The following GRID2 variants were observed in gnomAD, a reference collection of about 807,000 sequenced individuals.
GRID2 encodes the protein glutamate receptor ionotropic, delta-2.
A neutral mutation model predicts 114.8 loss-of-function variants in GRID2; 33 were observed. The observed-to-expected ratio is 0.29, with a 90% CI of 0.22 to 0.38. The LOEUF is 0.38. Among genes scored for constraint, GRID2 ranks in the 10% least tolerant of loss-of-function variants. The probability of loss-of-function intolerance (pLI) is 1.00; values close to 1 mark genes in which losing one functional copy is unlikely to be tolerated. For missense variants in GRID2, 1,184 were observed against 1,257.7 expected (o/e 0.94, Z 0.89); for synonymous variants, 505 against 449.9 (o/e 1.12, Z -1.55).
intron 8 of GRID2, among the ~76,000 whole-genome samples, chr4:93,255,851 A>G (rs995593626): frequency 7.2e-5 from 11 of 152,236 alleles, no homozygotes; most frequent in African/African-American, 1.4e-4. Flanking sequence ...ACCCAGTCTC[A>G]GGTATCCTAT....
chr4:93,128,778 T>C (rs1734533507), intron 4 of GRID2, among the ~76,000 whole-genome samples: 1 of 152,190 alleles, frequency 6.6e-6, no homozygotes, highest in South Asian at 2.1e-4. Context: ...CAAACTCCCA[T>C]GGTGATCCTG....
At chr4:93,607,965 TC>T (rs1740436177) in intron 13 of GRID2, among the ~76,000 whole-genome samples, 1 of 151,778 alleles carries the variant, frequency 6.6e-6, no homozygotes, top group East Asian at 1.9e-4. Context: ...GTCAGTCTTT[TC>T]TTGGCTTTGT....
intron 2 of GRID2, among the ~76,000 whole-genome samples, chr4:92,651,736 C>T (rs888495405): frequency 6.6e-6 from 1 of 152,050 alleles, no homozygotes; most frequent in Non-Finnish European, 1.5e-5. Flanking sequence ...TTTCTCCTTC[C>T]AAGCAAATTC....
Position 93,739,271 on chromosome 4 carries a change from T to C in GRID2, c.2361-29939T>C, listed in dbSNP as rs567504541. ...CACACTAGTATGTTTAAACTGTGTT[T>C]ATAGTCTTCTAGAAGCTGTATAAAC... On this transcript the variant is annotated intron_variant, in intron 14 of 15. Coordinates refer to ENST00000282020, the MANE Select transcript of GRID2 (RefSeq NM_001510.4). 2.2e-3 allele frequency among the ~76,000 whole-genome samples: 341 copies of C among 152,312 alleles called. 3 individuals carry two copies. In the South Asian group the frequency reaches 0.035, roughly 16 times the overall value.
At chr4:92,626,010 G>A (rs1405762591) in intron 2 of GRID2, among the ~76,000 whole-genome samples, 1 of 151,916 alleles carries the variant, frequency 6.6e-6, no homozygotes, top group Non-Finnish European at 1.5e-5. Flanking sequence ...CATCAGGGAA[G>A]TCTAGATATC....
intron 1 of GRID2, among the ~76,000 whole-genome samples, chr4:92,515,703 C>T (rs77603055): frequency 0.013 from 1,971 of 151,952 alleles, 21 homozygotes; most frequent in Non-Finnish European, 0.02. Context: ...CTGCTACAAT[C>T]TTGTTATTTA....
At chr4:92,607,006 C>T (rs902289770) in intron 2 of GRID2, among the ~76,000 whole-genome samples, 1 of 151,954 alleles carries the variant, frequency 6.6e-6, no homozygotes, top group Non-Finnish European at 1.5e-5. Flanking sequence ...GTGGCAGCAC[C>T]CCTTCCAAAA....
intron 14 of GRID2, among the ~76,000 whole-genome samples, chr4:93,632,901 A>G (rs987050068): frequency 4.6e-5 from 7 of 152,016 alleles, no homozygotes; most frequent in Admixed American, 6.6e-5. Context: ...GTTGAGCAGT[A>G]GTTTGTAGTT....
chr4:93,387,720 C>T (rs547636079), intron 8 of GRID2, among the ~76,000 whole-genome samples: 10 of 151,620 alleles, frequency 6.6e-5, no homozygotes, highest in Non-Finnish European at 1.0e-4. Flanking sequence ...ATCCCAACTA[C>T]TCGGCAGGCT....
At chr4:93,335,677 C>CTT (rs1758986873) in intron 8 of GRID2, among the ~76,000 whole-genome samples, 1 of 124,560 alleles carries the variant, frequency 8.0e-6, no homozygotes, top group Non-Finnish European at 1.6e-5. Context: ...TTTTCTCTCT[C>CTT]TCTTTCTTTC....
At chr4:93,717,350 T>C (rs1208040444) in intron 14 of GRID2, among the ~76,000 whole-genome samples, 1 of 152,072 alleles carries the variant, frequency 6.6e-6, no homozygotes, top group African/African-American at 2.4e-5. Flanking sequence ...ATCTTTTGGG[T>C]TAATGGAAGT....
chr4:92,702,182 C>T (rs13148541), intron 2 of GRID2, among the ~76,000 whole-genome samples: 2 of 152,080 alleles, frequency 1.3e-5, no homozygotes, highest in Non-Finnish European at 2.9e-5. Context: ...AGAAACAGGG[C>T]CCACTTCATA....
intron 2 of GRID2, among the ~76,000 whole-genome samples, chr4:92,833,450 A>C (rs1578262613): frequency 6.6e-6 from 1 of 152,184 alleles, no homozygotes; most frequent in Non-Finnish European, 1.5e-5. Flanking sequence ...CAATTCAGCA[A>C]ATTACTTCAT....
At position 93,661,877 on chromosome 4, in the gene GRID2, C is replaced by T. The variant is rs148200044; in HGVS notation, c.2360+35442C>T. 5.9e-4 allele frequency among the ~76,000 whole-genome samples: 90 copies of T among 152,238 alleles called. 1 individual carries two copies. In the East Asian group the frequency reaches 0.013, roughly 23 times the overall value. ...ATAAACCGTAAGTGAGATCATGGCT[C>T]GGTTCTCCTCAGAGCTCTTCTGTGA... is the stretch of plus-strand genomic sequence containing the variant. On this transcript the variant is annotated intron_variant, in intron 14 of 15. Coordinates refer to ENST00000282020, the MANE Select transcript of GRID2 (RefSeq NM_001510.4).
intron 2 of GRID2, among the ~76,000 whole-genome samples, chr4:92,708,288 A>G (rs796972340): frequency 9.2e-5 from 14 of 152,276 alleles, no homozygotes; most frequent in African/African-American, 3.4e-4. Flanking sequence ...CTCCAAACCA[A>G]TTCAAGTTTC....
intron 14 of GRID2, among the ~76,000 whole-genome samples, chr4:93,649,535 A>G (rs1264415187): frequency 6.6e-6 from 1 of 152,204 alleles, no homozygotes; most frequent in Non-Finnish European, 1.5e-5. Context: ...AAACAAGTCT[A>G]CTATATTCCC....
chr4:93,494,964 A>C (rs1232802391), intron 12 of GRID2, among the ~76,000 whole-genome samples: 1 of 151,826 alleles, frequency 6.6e-6, no homozygotes, highest in Non-Finnish European at 1.5e-5. Flanking sequence ...AAAGCTACCT[A>C]GTTCACATAA....
At chr4:93,608,311 A>ATTTTTTTTTTTTTTTTTTTTTTAT (rs1186818508) in intron 13 of GRID2, among the ~76,000 whole-genome samples, 2 of 116,172 alleles carry the variant, frequency 1.7e-5, no homozygotes, top group African/African-American at 6.7e-5. Context: ...TTTTTTTTTA[A>ATTTTTTTTTTTTTTTTTTTTTTAT]TTTTTTTTTT....
intron 14 of GRID2, among the ~76,000 whole-genome samples, chr4:93,694,888 G>A (rs1451169008): frequency 6.6e-6 from 1 of 151,514 alleles, no homozygotes; most frequent in African/African-American, 2.4e-5. Flanking sequence ...TGTTCAGAAT[G>A]GTGGCCGGGG....
Sources: allele counts gnomAD v4.1 joint callset (sites outside exome capture counted in the v4.1 genomes callset), GRCh38; gene constraint gnomAD v4.1.1; transcripts MANE v1.5; gene names NCBI Gene and HGNC (gene_info 2026-07-23, HGNC 2026-07-21).